The following DYSF variants were observed in gnomAD, a reference collection of about 807,000 sequenced individuals.
The protein encoded by DYSF is dysferlin, also known as dystrophy-associated fer-1-like 1.
Under a neutral mutation model 274.9 loss-of-function variants are expected in DYSF, and 212 were observed. That is an observed-to-expected ratio of 0.77 (90% confidence interval 0.69 to 0.86). DYSF has a LOEUF of 0.86. Ranked by LOEUF, DYSF falls within the 40% of genes least tolerant of loss-of-function variation. The pLI is 0.00. For missense variants in DYSF, 2,666 were observed against 2,783.2 expected, an observed-to-expected ratio of 0.96 and a Z score of 0.95; for synonymous variants, 1,091 against 1,078.7, an observed-to-expected ratio of 1.01 and a Z score of -0.22.
chr2:71,576,223 C>CA (rs1334254003), intron 30 of DYSF: 2 of 152,808 alleles, frequency 1.3e-5, no homozygotes, highest in Non-Finnish European at 2.9e-5. Context: ...CTTCTGAAAA[C>CA]AAAAACAAAA....
Position 71,606,015 on chromosome 2 carries a change from G to A in DYSF, c.3957+3210G>A, listed in dbSNP as rs571390246. Among the ~76,000 whole-genome samples the A allele has an allele frequency of 6.6e-5, 10 of 152,300 alleles. No individual in the cohort carries two copies. The South Asian group carries it at 2.1e-3, about 32-fold the overall frequency. Reference sequence around the variant, plus strand: ...CGTCTTCTGTCCTCTGCTGGGTGAGGTGAGGGTCCATAGGCTACTGATGAC... The same window carrying A: ...CGTCTTCTGTCCTCTGCTGGGTGAGATGAGGGTCCATAGGCTACTGATGAC... On this transcript the variant is annotated intron_variant, in intron 36 of 55. Coordinates refer to ENST00000410020, the MANE Select transcript of DYSF (RefSeq NM_001130987.2).
chr2:71,453,938 C>T (rs2080940152), exon 1 of DYSF: 1 of 1,573,666 alleles, frequency 6.4e-7, no homozygotes, highest in Admixed American at 1.7e-5. Flanking sequence ...CGCCTCGGCC[C>T]TCCCGACCTT....
At chr2:71,493,491 A>G (rs1015696544) in intron 3 of DYSF, among the ~76,000 whole-genome samples, 1 of 152,226 alleles carries the variant, frequency 6.6e-6, no homozygotes, top group South Asian at 2.1e-4. Context: ...TTGTGAGGGA[A>G]TAGAGCCAGC....
intron 23 of DYSF, among the ~76,000 whole-genome samples, chr2:71,562,791 C>G (rs2091856674): frequency 6.6e-6 from 1 of 152,114 alleles, no homozygotes; most frequent in Admixed American, 6.5e-5. Context: ...CCTATAGGCA[C>G]AGGCTGGTTC....
At chr2:71,653,594 G>C (rs945015768) in intron 42 of DYSF, among the ~76,000 whole-genome samples, 4 of 147,528 alleles carry the variant, frequency 2.7e-5, no homozygotes, top group Non-Finnish European at 5.9e-5. Context: ...CTCACTCATA[G>C]GTGGGAATTG....
chr2:71,631,506 G>A (rs1349478319), intron 41 of DYSF, among the ~76,000 whole-genome samples: 1 of 152,160 alleles, frequency 6.6e-6, no homozygotes, highest in African/African-American at 2.4e-5. Context: ...AGGGAGGTTT[G>A]ATGCCCGTCA....
chr2:71,633,529 A>G (rs1022552083), intron 41 of DYSF, among the ~76,000 whole-genome samples: 1 of 152,188 alleles, frequency 6.6e-6, no homozygotes, highest in Non-Finnish European at 1.5e-5. Context: ...ATCTTTGTAG[A>G]TATCTACTCT....
intron 3 of DYSF, among the ~76,000 whole-genome samples, chr2:71,493,782 G>A (rs1181251564): frequency 1.4e-5 from 2 of 147,894 alleles, no homozygotes; most frequent in African/African-American, 2.5e-5. Context: ...AACCCAGGAG[G>A]TGGAGGTTGC....
chr2:71,648,115 A>G (rs2094595869), intron 42 of DYSF, among the ~76,000 whole-genome samples: 1 of 152,232 alleles, frequency 6.6e-6, no homozygotes, highest in Non-Finnish European at 1.5e-5. Context: ...AATCCTGCAA[A>G]AAAGAAAAGA....
At position 71,515,720 on chromosome 2, in the gene DYSF, T is replaced by C. The variant is rs375448108; in HGVS notation, c.857T>C (p.Ile286Thr). ...TAAGQTKRTRIHKGNSPLFNE... is the reference protein window; with the variant it reads ...TAAGQTKRTRTHKGNSPLFNE... ...GCAGGGCAGACCAAGCGGACGCGGA[T>C]CCACAAGGGAAACAGCCCACTCTTC... The change falls in exon 8 of 56, where the codon ATC (isoleucine) becomes ACC (threonine). Residue 286 changes from isoleucine (I) to threonine (T), a missense_variant. Ile to Thr is a moderately conservative substitution (Grantham distance 89). Around this residue, in one of 3 missense-constraint regions of DYSF, gnomAD observed 794 missense variants for 777.1 expected, o/e 1.02. Transcript: ENST00000410020. 6.2e-7 allele frequency: 1 copy of C among 1,614,030 alleles called. No individual in the cohort carries two copies. Among genetic ancestry groups the C allele is most frequent in the East Asian group, 2.2e-5 (1 of 44,856 alleles).
At chr2:71,453,920 A>C in exon 1 of DYSF, 1 of 1,434,588 alleles carries the variant, frequency 7.0e-7, no homozygotes, top group Non-Finnish European at 9.7e-7. Flanking sequence ...GAGGGGACCC[A>C]CAAGCGGCGC....
At position 71,612,667 on chromosome 2, in the gene DYSF, C is replaced by A. The variant is rs971134497; in HGVS notation, c.4248C>A (p.Cys1416Ter). Residue 1416 changes from cysteine (C) to a stop codon, truncating the protein, a stop_gained, in exon 39 of 56, where the codon TGC (cysteine) becomes TGA (stop). Coordinates refer to ENST00000410020, the MANE Select transcript of DYSF (RefSeq NM_001130987.2). LOFTEE classifies it high-confidence loss of function. ...TGCTGCCCAGGGAGGAGCTCTACTG[C>A]CCCCCCATCACCGTCAAGGTCATCG... The part of the protein sequence containing the change: ...EVMLPREELY[C>*]PPITVKVIDN... 1.2e-6 allele frequency: 2 copies of A among 1,613,832 alleles called. No individual in the cohort carries two copies. The highest frequency in any genetic ancestry group is 8.5e-7 in the Non-Finnish European group (1 of 1,179,938).
At chr2:71,525,245 G>T (rs1467734594) in intron 12 of DYSF, among the ~76,000 whole-genome samples, 1 of 151,946 alleles carries the variant, frequency 6.6e-6, no homozygotes, top group African/African-American at 2.4e-5. Context: ...GTGGGGGCGG[G>T]GGGCGGTCTC....
At position 71,526,285 on chromosome 2, in the gene DYSF, C is replaced by A; in HGVS notation, c.1215C>A (p.Gly405=). The stretch of plus-strand genomic sequence containing the variant: ...AAAGCAACCTGCTCCGGCCCACAGG[C>A]GTAGCCCTGCGAGGAGCCCACTTCT... The part of the protein sequence containing the change: ...DIESNLLRPT[G]VALRGAHFCL... The change falls in exon 13 of 56, where the codon GGC becomes GGA. Residue 405 remains glycine (G), a synonymous_variant. Transcript: ENST00000410020. The A allele has an allele frequency of 6.2e-7, 1 of 1,614,254 alleles. No individual in the cohort carries two copies. Among genetic ancestry groups the A allele is most frequent in the East Asian group, 2.2e-5 (1 of 44,884 alleles).
chr2:71,546,090 C>T (rs983906086), intron 17 of DYSF, among the ~76,000 whole-genome samples: 1 of 152,244 alleles, frequency 6.6e-6, no homozygotes, highest in Non-Finnish European at 1.5e-5. Flanking sequence ...CGGACTCTGC[C>T]GACCCGTTCC....
chr2:71,551,754 T>G (rs2152788247), intron 19 of DYSF, 34 bp downstream of exon 19: 16 of 1,551,354 alleles, frequency 1.0e-5, no homozygotes, highest in Non-Finnish European at 1.4e-5. Flanking sequence ...GAGCTGGGCG[T>G]CGGGGCAGGG....
At chr2:71,461,200 G>C (rs1343809761) in intron 1 of DYSF, among the ~76,000 whole-genome samples, 1 of 152,216 alleles carries the variant, frequency 6.6e-6, no homozygotes, top group South Asian at 2.1e-4. Flanking sequence ...GACACGAAAC[G>C]GGTGATTACG....
intron 53 of DYSF, among the ~76,000 whole-genome samples, chr2:71,680,404 CAT>C (rs1450943682): frequency 9.9e-5 from 15 of 152,160 alleles, no homozygotes; most frequent in Non-Finnish European, 1.2e-4. Flanking sequence ...AATTTGATAA[CAT>C]ATAGTAACAG....
chr2:71,517,033 G>C lies in DYSF; in HGVS notation c.996G>C (p.Glu332Asp). 1 of 1,614,164 alleles carries C rather than the reference G, an allele frequency of 6.2e-7. No individual in the cohort carries two copies. The highest frequency in any genetic ancestry group is 8.5e-7 in the Non-Finnish European group (1 of 1,180,002). Residue 332 changes from glutamate to aspartate, a missense_variant, in exon 10 of 56, where the codon GAG becomes GAC. Transcript: ENST00000410020. The stretch of plus-strand genomic sequence containing the variant: ...TCAGGACAGATGCTCTCCTCGGGGA[G>C]TTCCGGGTAATTGCTTATTTTCTAT... Reference protein sequence around the residue: ...RSLRTDALLGEFRMDVGTIYR... With the variant: ...RSLRTDALLGDFRMDVGTIYR...
Sources: allele counts gnomAD v4.1 joint callset (sites outside exome capture counted in the v4.1 genomes callset), GRCh38; gene constraint gnomAD v4.1.1; regional missense constraint gnomAD v4.1.1; transcripts MANE v1.5; gene names NCBI Gene and HGNC (gene_info 2026-07-23, HGNC 2026-07-21).